IL7: variants seen among roughly 807,000 people sequenced by gnomAD.
The protein encoded by IL7 is interleukin 7.
A neutral mutation model predicts 21.6 loss-of-function variants in IL7; 3 were observed. The observed-to-expected ratio is 0.14, with a 90% confidence interval of 0.06 to 0.36. IL7 has a LOEUF of 0.36. IL7 is among the 10% of genes least tolerant of loss of function. The pLI, the probability that IL7 is intolerant of heterozygous loss-of-function variation, is 1.00. For synonymous variants in IL7, 62 were observed against 68.1 expected (o/e 0.91, Z 0.44); for missense variants, 175 against 200.2 (o/e 0.87, Z 0.76).
intron 2 of IL7, 194 bp downstream of exon 2, chr8:78,797,878 G>T: frequency 2.3e-6 from 1 of 441,804 alleles, no homozygotes; most frequent in Non-Finnish European, 4.0e-6. Context: ...TTAGAGTCGA[G>T]GAAAGAATTA....
intron 2 of IL7, chr8:78,761,886 T>C: frequency 1.2e-6 from 2 of 1,611,568 alleles, no homozygotes; most frequent in South Asian, 1.1e-5. Context: ...TCCAGAGGTA[T>C]GTTTTGCCTT....
intron 2 of IL7, among the ~76,000 whole-genome samples, chr8:78,785,487 A>G (rs1260483734): frequency 6.6e-6 from 1 of 152,112 alleles, no homozygotes; most frequent in African/African-American, 2.4e-5. Flanking sequence ...GGGAGTGCAT[A>G]ATTTTGGATT....
rs142583110 is a variant in IL7, at chr8:78,711,400, A to T, written n.214+9948T>A. Among the ~76,000 whole-genome samples, 997 of 151,878 alleles carry T rather than the reference A, an allele frequency of 6.6e-3. 12 individuals carry two copies. Among genetic ancestry groups the T allele is most frequent in the African/African-American group, 0.022 (904 of 41,458 alleles). ...TGTGTGTATATATAGGCCCCTTACC[A>T]TTATTATATGTGATTTTTAGAATTG... On this transcript the variant is annotated intron_variant and non_coding_transcript_variant, in intron 3 of 4. Coordinates refer to the IL7 transcript ENST00000523959.
At chr8:78,784,557 A>G (rs1164653989) in intron 2 of IL7, among the ~76,000 whole-genome samples, 1 of 152,036 alleles carries the variant, frequency 6.6e-6, no homozygotes, top group Admixed American at 6.5e-5. Context: ...ATAACATTTA[A>G]GTTTTTTTTA....
At chr8:78,678,550 T>A in intron 4 of IL7, 1 of 1,594,152 alleles carries the variant, frequency 6.3e-7, no homozygotes. Context: ...GCTGCATTTC[T>A]TTATCTTAAC....
At chr8:78,681,696 A>G (rs1809784550) in intron 4 of IL7, among the ~76,000 whole-genome samples, 1 of 152,090 alleles carries the variant, frequency 6.6e-6, no homozygotes, top group Non-Finnish European at 1.5e-5. Context: ...TGGGAAGGAA[A>G]ATATTTTCTA....
At chr8:78,770,056 A>T (rs1812899427) in intron 2 of IL7, among the ~76,000 whole-genome samples, 1 of 152,206 alleles carries the variant, frequency 6.6e-6, no homozygotes, top group African/African-American at 2.4e-5. Context: ...AAAGACTTAA[A>T]TGTTAGGCCT....
At chr8:78,724,096 G>A (rs79741530) in intron 3 of IL7, 2,379 of 153,892 alleles carry the variant, frequency 0.015, 58 homozygotes, top group African/African-American at 0.055. Context: ...GGAAGTTCTG[G>A]GAGCTGGTGA....
chr8:78,793,643 G>C (rs181711040), intron 2 of IL7, among the ~76,000 whole-genome samples: 62 of 152,154 alleles, frequency 4.1e-4, no homozygotes, highest in African/African-American at 1.2e-3. Context: ...CAGAGTGGTG[G>C]TTGCTGAAGG....
Position 78,805,044 on chromosome 8 carries a change from G to T in IL7, c.-122C>A, listed in dbSNP as rs1369803239. ...GAGTTGCCGAGTCTGTGTTGGGCAG[G>T]GTGATCTCTGCAGCTGGTTCCTCTT... On this transcript the variant is annotated 5_prime_UTR_variant, in exon 1 of 6. Coordinates refer to ENST00000263851, the MANE Select transcript of IL7 (RefSeq NM_000880.4). The T allele has an allele frequency of 4.7e-6, 5 of 1,057,448 alleles. No homozygotes were observed. In the Admixed American group the frequency reaches 1.2e-4, roughly 25 times the overall value. 65.5% of individuals were successfully genotyped at this position (1,057,448 alleles called of 1,614,324 possible). A position where few individuals can be genotyped will look rare whatever the true frequency, so the allele number is the denominator to read the frequency against.
At chr8:78,745,096 G>C (rs932355408) in intron 2 of IL7, among the ~76,000 whole-genome samples, 6 of 152,164 alleles carry the variant, frequency 3.9e-5, no homozygotes, top group Non-Finnish European at 7.4e-5. Flanking sequence ...GCTGCTTCTA[G>C]TTGGCCATCT....
intron 3 of IL7, chr8:78,689,458 A>G: frequency 7.7e-7 from 1 of 1,303,440 alleles, no homozygotes; most frequent in South Asian, 2.1e-5. Flanking sequence ...TCATGACATT[A>G]GACTATATTT....
intron 4 of IL7, among the ~76,000 whole-genome samples, chr8:78,680,567 G>A (rs1809744604): frequency 6.6e-6 from 1 of 152,156 alleles, no homozygotes. Flanking sequence ...ATATTTACCT[G>A]TATCAAGAAA....
intron 3 of IL7, among the ~76,000 whole-genome samples, chr8:78,692,586 G>A (rs1370456824): frequency 6.6e-6 from 1 of 152,096 alleles, no homozygotes; most frequent in African/African-American, 2.4e-5. Flanking sequence ...GAGCAGTAAG[G>A]AGGTCTAAGT....
chr8:78,716,088 A>G (rs1021478162), downstream of IL7, among the ~76,000 whole-genome samples: 3 of 148,120 alleles, frequency 2.0e-5, no homozygotes, highest in African/African-American at 7.4e-5. Flanking sequence ...TCTAGCATCT[A>G]TTTTACCTTT....
intron 3 of IL7, among the ~76,000 whole-genome samples, chr8:78,707,453 G>A (rs571769523): frequency 2.6e-5 from 4 of 152,312 alleles, no homozygotes; most frequent in African/African-American, 9.6e-5. Flanking sequence ...GTCTGACTGT[G>A]ACAACATCTG....
downstream of IL7, among the ~76,000 whole-genome samples, chr8:78,731,331 T>A (rs1811420742): frequency 6.6e-6 from 1 of 152,022 alleles, no homozygotes; most frequent in South Asian, 2.1e-4. Context: ...ATTCTATGAA[T>A]TATATTAACC....
chr8:78,711,263 T>C (rs1318309742), intron 3 of IL7, among the ~76,000 whole-genome samples: 3 of 152,156 alleles, frequency 2.0e-5, no homozygotes, highest in Admixed American at 2.0e-4. Context: ...TGATAGTTTA[T>C]ATGATTCAGT....
chr8:78,748,993 C>CT (rs987289712), intron 2 of IL7, among the ~76,000 whole-genome samples: 6 of 152,114 alleles, frequency 3.9e-5, no homozygotes, highest in Non-Finnish European at 7.4e-5. Flanking sequence ...GAAAAAGGTA[C>CT]TATGTAGAAG....
Sources: gnomAD v4.1 joint callset for allele counts (sites outside exome capture counted in the v4.1 genomes callset) on GRCh38, gnomAD v4.1.1 for gene constraint, MANE v1.5 for transcripts, NCBI Gene and HGNC (gene_info 2026-07-23, HGNC 2026-07-21) for gene names.